SLC39A10: variants seen among roughly 807,000 people sequenced by gnomAD.
SLC39A10 encodes the protein zinc transporter ZIP10.
In SLC39A10, 13 loss-of-function variants were observed where a neutral mutation model predicts 65.1. That is an observed-to-expected ratio of 0.20 (90% confidence interval 0.13 to 0.32). The LOEUF (loss-of-function observed/expected upper bound fraction) is 0.32. SLC39A10 is among the 10% of genes least tolerant of loss of function. The pLI, the probability that SLC39A10 is intolerant of heterozygous loss-of-function variation, is 1.00. For missense variants in SLC39A10, 831 were observed against 1,018.4 expected (o/e 0.82, Z 2.50); for synonymous variants, 321 against 342.2 (o/e 0.94, Z 0.68).
rs186176005 is a variant in SLC39A10, at chr2:195,651,638, C to T, written c.-11-28394C>T. Among the ~76,000 whole-genome samples the T allele has an allele frequency of 4.1e-4, 62 of 152,252 alleles. 1 individual carries two copies. Among genetic ancestry groups the T allele is most frequent in the Admixed American group, 4.1e-3 (62 of 15,292 alleles). The stretch of plus-strand genomic sequence containing the variant: ...TGCAGGCGCTTGCCATCACATCCAG[C>T]TAATTTTTGTATTTTTAGTAGAGAT... On this transcript the variant is annotated intron_variant, in intron 2 of 2. Transcript: ENST00000458054.
intron 1 of SLC39A10, chr2:195,674,571 C>G (rs1690007306): frequency 1.0e-6 from 1 of 985,332 alleles, no homozygotes; most frequent in Non-Finnish European, 1.2e-6. Flanking sequence ...ACCACTGCAC[C>G]CGGCCTGCTT....
At chr2:195,634,413 T>C (rs1253087945) in intron 2 of SLC39A10, among the ~76,000 whole-genome samples, 1 of 152,234 alleles carries the variant, frequency 6.6e-6, no homozygotes, top group African/African-American at 2.4e-5. Flanking sequence ...TAATTTTTTC[T>C]CTTTTATTTG....
chr2:195,679,892 C>T, intron 1 of SLC39A10, 140 bp from the exon 2 acceptor site: 1 of 584,282 alleles, frequency 1.7e-6, no homozygotes, highest in Non-Finnish European at 2.8e-6. Context: ...TTTCACTTTT[C>T]TCTGGTTCTT....
intron 2 of SLC39A10, among the ~76,000 whole-genome samples, chr2:195,639,380 C>T (rs962348162): frequency 9.2e-5 from 14 of 152,198 alleles, no homozygotes; most frequent in Non-Finnish European, 5.9e-5. Context: ...ATTTTCATCA[C>T]ATTGTATCAG....
chr2:195,681,136 G>A (rs538761232), intron 2 of SLC39A10, 86 bp downstream of exon 2: 4 of 1,292,452 alleles, frequency 3.1e-6, no homozygotes, highest in African/African-American at 3.0e-5. Flanking sequence ...TAACAGTGGA[G>A]TATTAATCAT....
intron 2 of SLC39A10, among the ~76,000 whole-genome samples, chr2:195,632,144 C>T (rs1249630051): frequency 9.9e-5 from 15 of 151,882 alleles, no homozygotes; most frequent in African/African-American, 2.9e-4. Flanking sequence ...CCTCCCACCT[C>T]GGCCTCCCAA....
At chr2:195,621,856 G>A (rs1402402457) in intron 2 of SLC39A10, among the ~76,000 whole-genome samples, 1 of 152,008 alleles carries the variant, frequency 6.6e-6, no homozygotes, top group East Asian at 1.9e-4. Context: ...AATATGATAG[G>A]TGCTTCATGA....
chr2:195,716,597 T>C, intron 6 of SLC39A10, 40 bp from the exon 7 acceptor site: 1 of 1,531,932 alleles, frequency 6.5e-7, no homozygotes, highest in Non-Finnish European at 8.8e-7. Context: ...TATCCATGCA[T>C]TTAATTATTG....
At chr2:195,648,021 C>G (rs889139959) in intron 2 of SLC39A10, among the ~76,000 whole-genome samples, 3 of 152,086 alleles carry the variant, frequency 2.0e-5, no homozygotes, top group African/African-American at 7.2e-5. Context: ...GAGGCAAGGT[C>G]CCACTCTGTC....
chr2:195,672,976 C>G (rs936990754), intron 1 of SLC39A10, among the ~76,000 whole-genome samples: 1 of 152,142 alleles, frequency 6.6e-6, no homozygotes, highest in African/African-American at 2.4e-5. Flanking sequence ...TTTTTATCTT[C>G]ATTAGTGTAC....
intron 2 of SLC39A10, among the ~76,000 whole-genome samples, chr2:195,650,719 G>A (rs1689013659): frequency 6.6e-6 from 1 of 151,992 alleles, no homozygotes; most frequent in East Asian, 1.9e-4. Context: ...TTTTGTCTCT[G>A]CAAATAGCCT....
intron 8 of SLC39A10, among the ~76,000 whole-genome samples, chr2:195,718,708 A>G (rs1025506468): frequency 3.4e-4 from 51 of 152,152 alleles, no homozygotes; most frequent in Admixed American, 2.0e-4. Context: ...AATCAGGGTA[A>G]AGTTTGTAAT....
chr2:195,682,732 A>T (rs1044348573), intron 2 of SLC39A10, among the ~76,000 whole-genome samples: 3 of 152,074 alleles, frequency 2.0e-5, no homozygotes, highest in African/African-American at 7.2e-5. Context: ...GATAGGTCTG[A>T]TGTATACTGG....
Position 195,673,332 on chromosome 2 carries a change from G to A in SLC39A10, c.-11-6700G>A, listed in dbSNP as rs556214848. ...CCACCATGCCCAACTAATTTTTTTT[G>A]TATTTTTTTTGTAGAGATGGGGTTC... On this transcript the variant is annotated intron_variant, in intron 1 of 9. Transcript: ENST00000359634. 1.2e-4 allele frequency among the ~76,000 whole-genome samples: 19 copies of A among 152,044 alleles called. No individual in the cohort carries two copies. In the South Asian group the frequency reaches 3.1e-3, roughly 25 times the overall value.
chr2:195,735,128 G>A lies in SLC39A10; in HGVS notation c.*87G>A. The A allele has an allele frequency of 1.5e-5, 21 of 1,368,026 alleles. No homozygotes were observed. The highest frequency in any genetic ancestry group is 2.1e-5 in the Non-Finnish European group (21 of 1,021,334). The allele number at this position is 1,368,026 out of a possible 1,614,324, so 84.7% of individuals were successfully genotyped here. ...TGTACTGTATGCACATTGCTCAAAG[G>A]AAAGTCAGTGGCTTGCACTACTTAC... On this transcript the variant is annotated 3_prime_UTR_variant, in exon 10 of 10. Transcript: ENST00000359634.
intron 5 of SLC39A10, among the ~76,000 whole-genome samples, chr2:195,710,255 C>G (rs1317019680): frequency 1.3e-5 from 2 of 152,168 alleles, no homozygotes; most frequent in Non-Finnish European, 2.9e-5. Context: ...CCTTTTAAAG[C>G]TCTATCCTGA....
intron 1 of SLC39A10, among the ~76,000 whole-genome samples, chr2:195,660,509 G>A (rs1689348986): frequency 6.6e-6 from 1 of 152,150 alleles, no homozygotes; most frequent in African/African-American, 2.4e-5. Flanking sequence ...TTCACCTTTT[G>A]CTAAAATAAG....
At position 195,728,848 on chromosome 2, in the gene SLC39A10, C is replaced by T. The variant is rs183880342; in HGVS notation, c.2337+499C>T. Among the ~76,000 whole-genome samples, 34 of 152,060 alleles carry T rather than the reference C, an allele frequency of 2.2e-4. No individual in the cohort carries two copies. Among genetic ancestry groups the T allele is most frequent in the African/African-American group, 8.0e-4 (33 of 41,476 alleles). On this transcript the variant is annotated intron_variant, in intron 9 of 9. Coordinates refer to ENST00000359634, the MANE Select transcript of SLC39A10 (RefSeq NM_020342.3). The surrounding 1 kb of genome is among the most constrained non-coding windows in gnomAD (Gnocchi z 4.4). ...TTATTTTGATTTTACTTTAATACCCCAAATATGTTAGACAGTGTATTTACA... is the reference window on the plus strand; with the variant it reads ...TTATTTTGATTTTACTTTAATACCCTAAATATGTTAGACAGTGTATTTACA...
chr2:195,680,340 A>T lies in SLC39A10; in HGVS notation c.298A>T (p.Asn100Tyr). 6.2e-7 allele frequency: 1 copy of T among 1,614,182 alleles called. No homozygotes were observed. The highest frequency in any genetic ancestry group is 8.5e-7 in the Non-Finnish European group (1 of 1,180,038). ...TGGAGAGAGAAAAGTAGTTGAGATT[A>T]ATCATGAGGATCTTGGCCACGATCA... is the stretch of plus-strand genomic sequence containing the variant. Reference protein sequence around the residue: ...GLGERKVVEINHEDLGHDHVS... With the variant: ...GLGERKVVEIYHEDLGHDHVS... Residue 100 changes from asparagine (N) to tyrosine (Y), a missense_variant, in exon 2 of 10, where the codon AAT (asparagine) becomes TAT (tyrosine). Asn to Tyr is a moderately radical substitution (Grantham distance 143, BLOSUM62 -2). This residue lies in a region of SLC39A10 where 446 missense variants were observed against 499.2 expected (regional missense o/e 0.89). Transcript: ENST00000359634.
Sources: allele counts gnomAD v4.1 joint callset (sites outside exome capture counted in the v4.1 genomes callset), GRCh38; gene constraint gnomAD v4.1.1; regional missense constraint gnomAD v4.1.1; non-coding constraint Gnocchi (gnomAD v3.1); transcripts MANE v1.5; gene names NCBI Gene and HGNC (gene_info 2026-07-23, HGNC 2026-07-21).